Variants in MYT1L observed in about 807,000 individuals in gnomAD.
MYT1L encodes myelin transcription factor 1 like.
In MYT1L, 12 loss-of-function variants were observed where a neutral mutation model predicts 126.7. That is an observed-to-expected ratio of 0.09 (90% CI 0.06 to 0.15). The LOEUF is 0.15. Among genes scored for constraint, MYT1L ranks in the 10% least tolerant of loss-of-function variants. MYT1L has a pLI of 1.00. For missense variants in MYT1L, 979 were observed against 1,585.2 expected (o/e 0.62, Z 6.49); for synonymous variants, 541 against 604.2 (o/e 0.90, Z 1.53).
intron 4 of MYT1L, among the ~76,000 whole-genome samples, chr2:2,005,817 GTTCTTTCCTGCATGCC>G (rs1558711876): frequency 3.7e-5 from 5 of 136,560 alleles, no homozygotes; most frequent in Admixed American, 7.8e-5. Flanking sequence ...TCCTGCATGC[GTTCTTTCCTGCATGCC>G]TTCTTTCCTG....
chr2:2,312,648 C>T (rs971736337), intron 1 of MYT1L, among the ~76,000 whole-genome samples: 1 of 152,048 alleles, frequency 6.6e-6, no homozygotes, highest in Non-Finnish European at 1.5e-5. Context: ...GTATTTTCAT[C>T]ACTAGTAGCT....
At chr2:2,018,062 T>C (rs1262050496) in intron 4 of MYT1L, among the ~76,000 whole-genome samples, 1 of 152,170 alleles carries the variant, frequency 6.6e-6, no homozygotes, top group East Asian at 1.9e-4. Context: ...ACGTACATAA[T>C]TGATTTTCCA....
intron 14 of MYT1L, among the ~76,000 whole-genome samples, chr2:1,900,991 T>C (rs1403024762): frequency 6.6e-6 from 1 of 152,216 alleles, no homozygotes; most frequent in Non-Finnish European, 1.5e-5. Context: ...TGATCTTCAC[T>C]GCAGCCTCGC....
intron 18 of MYT1L, among the ~76,000 whole-genome samples, chr2:1,857,057 G>A (rs1405319405): frequency 1.3e-5 from 2 of 152,158 alleles, no homozygotes; most frequent in African/African-American, 2.4e-5. Flanking sequence ...TGGGAGGCAG[G>A]GCCTGGGAGT....
intron 18 of MYT1L, among the ~76,000 whole-genome samples, chr2:1,866,561 G>A: frequency 7.1e-6 from 1 of 140,812 alleles, no homozygotes; most frequent in Non-Finnish European, 1.5e-5. Context: ...GAGAGGGAGA[G>A]GGAAGGGGAG....
intron 8 of MYT1L, among the ~76,000 whole-genome samples, chr2:1,956,554 A>ATATT (rs2058462316): frequency 1.4e-5 from 2 of 138,936 alleles, no homozygotes; most frequent in African/African-American, 5.5e-5. Context: ...TCTATCATCT[A>ATATT]TCCTATTCTA....
At chr2:1,957,804 G>T (rs554998735) in intron 8 of MYT1L, among the ~76,000 whole-genome samples, 1 of 151,854 alleles carries the variant, frequency 6.6e-6, no homozygotes, top group East Asian at 1.9e-4. Flanking sequence ...CAGTCTCCAG[G>T]GAGCACCAGA....
intron 21 of MYT1L, among the ~76,000 whole-genome samples, chr2:1,819,965 A>G (rs2038266614): frequency 6.6e-6 from 1 of 151,060 alleles, no homozygotes; most frequent in South Asian, 2.1e-4. Context: ...ACCACACAGT[A>G]GAGTTTGCTT....
chr2:2,208,396 C>T (rs1480131260), intron 2 of MYT1L, among the ~76,000 whole-genome samples: 2 of 152,176 alleles, frequency 1.3e-5, no homozygotes, highest in African/African-American at 4.8e-5. Flanking sequence ...GCACCTGTCA[C>T]AGCCAGCAGT....
Position 2,147,489 on chromosome 2 carries a change from G to A in MYT1L, c.-304+25383C>T, listed in dbSNP as rs546419573. ...GATGCCATTCGGCTATGTCCCAAGC[G>A]TGGTTTGTCCTTGAGGAACTCCAAG... On this transcript the variant is annotated intron_variant, in intron 3 of 24. Coordinates refer to ENST00000647738, the MANE Select transcript of MYT1L (RefSeq NM_001303052.2). Among the ~76,000 whole-genome samples the A allele has an allele frequency of 1.2e-4, 19 of 152,344 alleles. No homozygotes were observed. The South Asian group carries it at 1.7e-3, about 13-fold the overall frequency.
At chr2:2,265,766 A>T (rs976009079) in intron 2 of MYT1L, among the ~76,000 whole-genome samples, 1 of 152,218 alleles carries the variant, frequency 6.6e-6, no homozygotes, top group Non-Finnish European at 1.5e-5. Context: ...CATGAAGAGA[A>T]GTTCACGGTA....
intron 2 of MYT1L, among the ~76,000 whole-genome samples, chr2:2,256,368 C>T (rs1003674994): frequency 1.3e-5 from 2 of 152,236 alleles, no homozygotes; most frequent in African/African-American, 4.8e-5. Context: ...ACTGTGGCCA[C>T]AGGTCTAATT....
At chr2:2,225,055 C>T (rs562816548) in intron 2 of MYT1L, among the ~76,000 whole-genome samples, 7 of 151,976 alleles carry the variant, frequency 4.6e-5, no homozygotes, top group Admixed American at 4.6e-4. Flanking sequence ...TGTGACCAGT[C>T]CTGTCTAAGA....
At chr2:2,212,386 T>C (rs2093553221) in intron 2 of MYT1L, among the ~76,000 whole-genome samples, 1 of 152,176 alleles carries the variant, frequency 6.6e-6, no homozygotes, top group Admixed American at 6.5e-5. Context: ...CTTTTAAATT[T>C]GTTAATAAAA....
chr2:2,173,555 T>C (rs2090348378), intron 2 of MYT1L, among the ~76,000 whole-genome samples: 1 of 152,236 alleles, frequency 6.6e-6, no homozygotes, highest in South Asian at 2.1e-4. Flanking sequence ...TTCTGCAATG[T>C]TATCTCAGTA....
chr2:1,822,431 G>T (rs1318464459), intron 21 of MYT1L, among the ~76,000 whole-genome samples: 3 of 152,200 alleles, frequency 2.0e-5, no homozygotes, highest in Non-Finnish European at 4.4e-5. Context: ...ATCTTTGTGT[G>T]GGTTGGGTCT....
chr2:2,201,324 C>T (rs1371056105), intron 2 of MYT1L, among the ~76,000 whole-genome samples: 1 of 152,164 alleles, frequency 6.6e-6, no homozygotes, highest in Non-Finnish European at 1.5e-5. Context: ...CATGGTCCAG[C>T]CAGTTGTTCC....
chr2:2,256,492 G>A lies in MYT1L; in HGVS notation c.-421+27912C>T, dbSNP rs79144109. ...GCAGCAGAATGGAGTAGTGGGAACA[G>A]GAACCATCTGGCTCTAAGGTCAAAC... On this transcript the variant is annotated intron_variant, in intron 2 of 24. Coordinates refer to ENST00000647738, the MANE Select transcript of MYT1L (RefSeq NM_001303052.2). 3.9e-3 allele frequency among the ~76,000 whole-genome samples: 594 copies of A among 152,314 alleles called. 5 individuals are homozygous for A. Among genetic ancestry groups the A allele is most frequent in the African/African-American group, 0.014 (562 of 41,564 alleles).
At chr2:2,139,190 TC>T (rs910657386) in intron 3 of MYT1L, among the ~76,000 whole-genome samples, 7 of 151,900 alleles carry the variant, frequency 4.6e-5, no homozygotes, top group Admixed American at 4.6e-4. Context: ...CCCATACACG[TC>T]CCCTGACTGC....
Sources: allele counts gnomAD v4.1 joint callset (sites outside exome capture counted in the v4.1 genomes callset), GRCh38; gene constraint gnomAD v4.1.1; transcripts MANE v1.5; gene names NCBI Gene and HGNC (gene_info 2026-07-23, HGNC 2026-07-21).